Variants in FBN3 observed in about 807,000 individuals in gnomAD.
FBN3 encodes the protein fibrillin-3.
A neutral mutation model predicts 330.1 loss-of-function variants in FBN3; 234 were observed. The observed-to-expected ratio is 0.71, with a 90% CI of 0.64 to 0.79. The LOEUF (loss-of-function observed/expected upper bound fraction) is 0.79. Among genes scored for constraint, FBN3 ranks in the 30% least tolerant of loss-of-function variants. The pLI is 0.00. For missense variants in FBN3, 3,606 were observed against 3,886.9 expected, an observed-to-expected ratio of 0.93 and a Z score of 1.92; for synonymous variants, 1,458 against 1,517.3, an observed-to-expected ratio of 0.96 and a Z score of 0.91.
intron 8 of FBN3, among the ~76,000 whole-genome samples, chr19:8,139,460 C>T (rs755895871): frequency 1.3e-5 from 2 of 152,132 alleles, no homozygotes; most frequent in African/African-American, 2.4e-5. Flanking sequence ...AGCTCCCCGT[C>T]GCTGCAGGCA....
chr19:8,101,037 G>T, intron 40 of FBN3, 65 bp from the exon 41 acceptor site: 1 of 1,360,140 alleles, frequency 7.4e-7, no homozygotes, highest in Non-Finnish European at 1.0e-6. Flanking sequence ...CTCCCAATCT[G>T]GAGGGGACAC....
intron 56 of FBN3, 143 bp downstream of exon 56, chr19:8,085,220 G>GACACACAC (rs35473068): frequency 0.18 from 96,555 of 534,258 alleles, 3,579 homozygotes; most frequent in Middle Eastern, 0.24. Flanking sequence ...CTAGCACAAA[G>GACACACAC]ACACACACAC....
intron 40 of FBN3, 47 bp from the exon 41 acceptor site, chr19:8,101,019 C>A (rs781492766): frequency 2.8e-5 from 42 of 1,496,420 alleles, no homozygotes; most frequent in Non-Finnish European, 3.8e-5. Flanking sequence ...AGGCCTGACC[C>A]CAGCCCGCTC....
Position 8,136,047 on chromosome 19 carries a change from A to G in FBN3, c.1505T>C (p.Leu502Pro). The stretch of plus-strand genomic sequence containing the variant: ...GCCCTCTGTGTTGACACAGCGGCCC[A>G]GGTGACAAAGGCCACCACTGACAAT... ...ECIVSGGLCHLGRCVNTEGSF... is the reference protein window; with the variant it reads ...ECIVSGGLCHPGRCVNTEGSF... The change falls in exon 13 of 64, where the codon CTG becomes CCG. Residue 502 changes from leucine (L) to proline (P), a missense_variant. By Grantham distance (98) the Leu-to-Pro change is moderately conservative. Coordinates refer to ENST00000600128, the MANE Select transcript of FBN3 (RefSeq NM_032447.5). The G allele has an allele frequency of 6.2e-7, 1 of 1,610,144 alleles. No individual in the cohort carries two copies. Among genetic ancestry groups the G allele is most frequent in the South Asian group, 1.1e-5 (1 of 90,928 alleles).
Position 8,109,676 on chromosome 19 carries a change from AGCT to A in FBN3, c.4408_4410del (p.Ser1470del), listed in dbSNP as rs757579773. 4.4e-6 allele frequency: 7 copies of A among 1,577,762 alleles called. No homozygotes were observed. The East Asian group carries it at 1.6e-4, about 35-fold the overall frequency. On this transcript the variant is annotated inframe_deletion, in exon 35 of 64. Transcript: ENST00000600128. The surrounding 1 kb of genome is among the most constrained non-coding windows in gnomAD (Gnocchi z 5.2). Reference sequence around the variant, plus strand: ...GGGTTCAGCTCAAAATCCTGGGGGCAGCTGCAGAGGTAGCTGCCGGGGGTGTTA... The same window carrying A: ...GGGTTCAGCTCAAAATCCTGGGGGCAGCAGAGGTAGCTGCCGGGGGTGTTA...
At chr19:8,120,389 C>T (rs1168282072) in intron 25 of FBN3, among the ~76,000 whole-genome samples, 1 of 151,912 alleles carries the variant, frequency 6.6e-6, no homozygotes, top group Admixed American at 6.6e-5. Context: ...AGGCTGGTTT[C>T]AAACTCCTGA....
chr19:8,119,072 G>T (rs2082777462), intron 25 of FBN3, 50 bp from the exon 26 acceptor site: 1 of 1,558,788 alleles, frequency 6.4e-7, no homozygotes, highest in African/African-American at 1.3e-5. Context: ...GCTGATGCAG[G>T]GAGGGGGTGA....
rs768857663 is a variant in FBN3 at position 8,073,039 on chromosome 19, G to C, written c.7937+24C>G. On this transcript the variant is annotated intron_variant, in intron 62 of 63. Transcript: ENST00000600128. ...TGGACGCTTGCGGGGCATGGAGTCT[G>C]CTTGCCCCACTCCAGCCTCTCACCC... 2.2e-5 allele frequency: 34 copies of C among 1,528,600 alleles called. No homozygotes were observed. In the East Asian group the frequency reaches 7.7e-4, roughly 35 times the overall value. The allele number at this position is 1,528,600 out of a possible 1,614,324, so 94.7% of individuals were successfully genotyped here. A position where few individuals can be genotyped will look rare whatever the true frequency, so the allele number is the denominator to read the frequency against.
chr19:8,126,900 C>A, intron 18 of FBN3, 68 bp from the exon 19 acceptor site: 1 of 1,497,404 alleles, frequency 6.7e-7, no homozygotes, highest in Non-Finnish European at 8.9e-7. Flanking sequence ...CAGGACCCCT[C>A]CTCCCCAAGG....
intron 34 of FBN3, among the ~76,000 whole-genome samples, chr19:8,110,030 A>G (rs1039387035): frequency 1.4e-4 from 22 of 152,190 alleles, no homozygotes; most frequent in Non-Finnish European, 1.5e-5. Flanking sequence ...CAGTCAACAT[A>G]TGAAAATCAT....
At chr19:8,068,736 T>C (rs547698350) in intron 63 of FBN3, among the ~76,000 whole-genome samples, 3 of 151,416 alleles carry the variant, frequency 2.0e-5, no homozygotes, top group East Asian at 3.9e-4. Context: ...AATAAATCAA[T>C]AAAAAAATAA....
chr19:8,097,010 G>T lies in FBN3; in HGVS notation c.5288-4C>A, dbSNP rs752388466. On this transcript the variant is annotated splice_region_variant and splice_polypyrimidine_tract_variant and intron_variant, in intron 42 of 63. Transcript: ENST00000600128. ...CTGCTGCCACACTCATCGACATCTG[G>T]GAAAATACAGCAAATGAGGTGGGGG... The T allele has an allele frequency of 1.2e-6, 2 of 1,611,790 alleles. No homozygotes were observed. Among genetic ancestry groups the T allele is most frequent in the Admixed American group, 3.3e-5 (2 of 59,972 alleles).
chr19:8,088,631 G>C lies in FBN3; in HGVS notation c.6377-452C>G, dbSNP rs148758501. ...AATGAGTGGGTGAATTACTGAGTGA[G>C]TGAATGGAGAAATCAGCAAGGAAGT... On this transcript the variant is annotated intron_variant, in intron 51 of 63. Coordinates refer to ENST00000600128, the MANE Select transcript of FBN3 (RefSeq NM_032447.5). 8.7e-3 allele frequency among the ~76,000 whole-genome samples: 1,322 copies of C among 152,300 alleles called. 17 individuals carry two copies. Among genetic ancestry groups the C allele is most frequent in the African/African-American group, 0.03 (1,252 of 41,572 alleles).
chr19:8,116,612 T>A (rs944828279), intron 29 of FBN3, 62 bp downstream of exon 29: 25 of 1,542,804 alleles, frequency 1.6e-5, no homozygotes, highest in Non-Finnish European at 2.2e-5. Flanking sequence ...GTGGAAGACC[T>A]GGTGTGTGAA....
chr19:8,121,083 T>C lies in FBN3; in HGVS notation c.3211+175A>G, dbSNP rs944154117. 5.9e-5 allele frequency among the ~76,000 whole-genome samples: 9 copies of C among 151,986 alleles called. No homozygotes were observed. The highest frequency in any genetic ancestry group is 2.2e-4 in the African/African-American group (9 of 41,384). ...GGTCTCAGGCCCCAGGTCTCTCTCCTAAGGACGAGGCCTCATGGAGCCCAG... is the reference window on the plus strand; with the variant it reads ...GGTCTCAGGCCCCAGGTCTCTCTCCCAAGGACGAGGCCTCATGGAGCCCAG... On this transcript the variant is annotated intron_variant, in intron 25 of 63. Coordinates refer to ENST00000600128, the MANE Select transcript of FBN3 (RefSeq NM_032447.5). This position sits in a 1 kb window ranked among gnomAD's most constrained non-coding sequence, Gnocchi z 4.5.
intron 13 of FBN3, 25 bp downstream of exon 13, chr19:8,135,936 G>GCACCCCCC: frequency 3.0e-6 from 2 of 668,778 alleles, no homozygotes; most frequent in Non-Finnish European, 4.8e-6. Context: ...GGAAGCCCCT[G>GCACCCCCC]CCCACCCGCC....
rs1254687714 is a variant in FBN3 at position 8,099,297 on chromosome 19, T to G, written c.5161+1604A>C. Among the ~76,000 whole-genome samples the G allele has an allele frequency of 2.0e-5, 3 of 147,530 alleles. No individual in the cohort carries two copies. The South Asian group carries it at 6.5e-4, about 32-fold the overall frequency. On this transcript the variant is annotated intron_variant, in intron 41 of 63. Coordinates refer to ENST00000600128, the MANE Select transcript of FBN3 (RefSeq NM_032447.5). ...TTTGATTTTTTTTTTTTTTTTTTTT[T>G]TGCAACGGAGTCTTGCTCTGTCGCC...
In FBN3 at chr19:8,096,736, T is replaced by G; in HGVS notation, c.5413+145A>C. ...GACCTGAGCTCTCACCTCTATCACA[T>G]CCTATTAACAGACACTCTCAATACA... On this transcript the variant is annotated intron_variant, in intron 43 of 63. Transcript: ENST00000600128. The surrounding 1 kb of genome is among the most constrained non-coding windows in gnomAD (Gnocchi z 4.6). The G allele has an allele frequency of 6.3e-6, 8 of 1,277,500 alleles. No homozygotes were observed. Among genetic ancestry groups the G allele is most frequent in the Non-Finnish European group, 7.6e-6 (7 of 921,680 alleles). 79.1% of individuals were successfully genotyped at this position (1,277,500 alleles called of 1,614,324 possible). A position where few individuals can be genotyped will look rare whatever the true frequency, so the allele number is the denominator to read the frequency against.
At chr19:8,115,882 G>A (rs2144857479) in intron 29 of FBN3, among the ~76,000 whole-genome samples, 1 of 151,974 alleles carries the variant, frequency 6.6e-6, no homozygotes, top group East Asian at 1.9e-4. Flanking sequence ...CCAGGAATGT[G>A]TTTCCAAAAG....
Sources: allele counts gnomAD v4.1 joint callset (sites outside exome capture counted in the v4.1 genomes callset), GRCh38; gene constraint gnomAD v4.1.1; non-coding constraint Gnocchi (gnomAD v3.1); transcripts MANE v1.5; gene names NCBI Gene and HGNC (gene_info 2026-07-23, HGNC 2026-07-21).